The following TEX10 variants were observed in gnomAD, a reference collection of about 807,000 sequenced individuals.
TEX10 encodes testis expressed 10.
In TEX10, 24 loss-of-function variants were observed where a neutral mutation model predicts 104.4. The observed-to-expected ratio is 0.23, with a 90% CI of 0.17 to 0.32. TEX10 has a LOEUF of 0.32. Ranked by LOEUF, TEX10 falls within the 10% of genes least tolerant of loss-of-function variation. TEX10 has a pLI of 1.00. For missense variants in TEX10, 921 were observed against 1,083.9 expected, an observed-to-expected ratio of 0.85 and a Z score of 2.11; for synonymous variants, 396 against 393.4, an observed-to-expected ratio of 1.01 and a Z score of -0.08.
In TEX10 at chr9:100,327,920, T is replaced by C. The variant is rs2118882397; in HGVS notation, c.1668A>G (p.Pro556=). 1 of 1,595,600 alleles carries C rather than the reference T, an allele frequency of 6.3e-7. No individual in the cohort carries two copies. The highest frequency in any genetic ancestry group is 8.6e-7 in the Non-Finnish European group (1 of 1,167,768). The stretch of plus-strand genomic sequence containing the variant: ...GGGAGCCAAGATGAGCAAGTTGCAA[T>C]GGTAAGCCAGCCAGCCAACGGGATA... ...KVLSRWLAGL[P]LQLAHLGSRN... is the part of the protein sequence containing the mutation. The change falls in exon 8 of 15, where the codon CCA becomes CCG. Residue 556 remains proline (P), a synonymous_variant. Coordinates refer to ENST00000374902, the MANE Select transcript of TEX10 (RefSeq NM_017746.4).
At chr9:100,349,129 T>A in intron 2 of TEX10, 55 bp downstream of exon 2, 1 of 1,425,084 alleles carries the variant, frequency 7.0e-7, no homozygotes, top group South Asian at 1.6e-5. Context: ...AAATATAACA[T>A]TCTACACGAT....
At chr9:100,348,832 G>C (rs1457839180) in intron 2 of TEX10, among the ~76,000 whole-genome samples, 1 of 152,112 alleles carries the variant, frequency 6.6e-6, no homozygotes, top group Non-Finnish European at 1.5e-5. Context: ...GATCACTTGA[G>C]CCCAGAAGGT....
intron 5 of TEX10, 81 bp from the exon 6 acceptor site, chr9:100,330,250 ATGGAGTTTT>A: frequency 9.0e-7 from 1 of 1,114,214 alleles, no homozygotes; most frequent in Admixed American, 2.3e-5. Context: ...TAATCTATCA[ATGGAGTTTT>A]AAAAAATTCC....
In TEX10 at chr9:100,347,082, C is replaced by T; in HGVS notation, c.505G>A (p.Glu169Lys). ...DSLKVLDILLEQYPALITGRS... is the reference protein window; with the variant it reads ...DSLKVLDILLKQYPALITGRS... ...CCAGTAATTAGAGCTGGGTACTGTTCCAGCAGAATGTCCAAAACTTTTAAA... is the reference window on the plus strand; with the variant it reads ...CCAGTAATTAGAGCTGGGTACTGTTTCAGCAGAATGTCCAAAACTTTTAAA... The change falls in exon 3 of 15, where the codon GAA becomes AAA. Residue 169 changes from glutamate to lysine, a missense_variant. Physicochemically the swap from Glu to Lys is moderately conservative, Grantham distance 56. Coordinates refer to ENST00000374902, the MANE Select transcript of TEX10 (RefSeq NM_017746.4). 11 of 1,614,172 alleles carry T rather than the reference C, an allele frequency of 6.8e-6. No homozygotes were observed. The highest frequency in any genetic ancestry group is 9.3e-6 in the Non-Finnish European group (11 of 1,180,028).
In TEX10 at chr9:100,326,572, G is replaced by A. The variant is rs1460719627; in HGVS notation, c.1802-93C>T. ...GATCAATGACTTCCATTGAATTATGGGCTAACATTTTATGCTGAATTTTAT... is the reference window on the plus strand; with the variant it reads ...GATCAATGACTTCCATTGAATTATGAGCTAACATTTTATGCTGAATTTTAT... On this transcript the variant is annotated intron_variant, in intron 8 of 14. Transcript: ENST00000374902. 39 of 1,238,916 alleles carry A rather than the reference G, an allele frequency of 3.1e-5. No individual in the cohort carries two copies. The South Asian group carries it at 5.6e-4, about 18-fold the overall frequency. 76.7% of individuals were successfully genotyped at this position (1,238,916 alleles called of 1,614,324 possible). A position where few individuals can be genotyped will look rare whatever the true frequency, so the allele number is the denominator to read the frequency against.
At chr9:100,309,051 A>T (rs1050475114) in intron 12 of TEX10, among the ~76,000 whole-genome samples, 18 of 152,214 alleles carry the variant, frequency 1.2e-4, no homozygotes, top group African/African-American at 4.1e-4. Context: ...AAAAATTTTT[A>T]AATTATTCAG....
intron 13 of TEX10, 98 bp from the exon 14 acceptor site, chr9:100,303,940 A>G: frequency 8.5e-7 from 1 of 1,180,554 alleles, no homozygotes; most frequent in Middle Eastern, 2.8e-4. Flanking sequence ...TTTAAGGAAC[A>G]TGTTTTCCAA....
rs150703426 is a variant in TEX10, at chr9:100,326,307, G to A, written c.1974C>T (p.His658=). 1 of 1,613,442 alleles carries A rather than the reference G, an allele frequency of 6.2e-7. No individual in the cohort carries two copies. The change falls in exon 9 of 15, where the codon CAC becomes CAT. Residue 658 remains histidine (H), a synonymous_variant. Transcript: ENST00000374902. The stretch of plus-strand genomic sequence containing the variant: ...AGCTCACTTGAGCATGCTACCTCAT[G>A]TGCAGTATCCCGATAAGCATGGCAG... ...SLAAMLIGIL[H]MRSSFSGWKY...
intron 1 of TEX10, chr9:100,352,388 G>A (rs1835476648): frequency 1.3e-6 from 2 of 1,551,588 alleles, no homozygotes; most frequent in African/African-American, 2.7e-5. Flanking sequence ...CTCCGTATTC[G>A]GTCCTGCATC....
At chr9:100,326,983 C>T (rs1363760262) in intron 8 of TEX10, among the ~76,000 whole-genome samples, 7 of 152,120 alleles carry the variant, frequency 4.6e-5, no homozygotes, top group African/African-American at 1.7e-4. Context: ...ATCCATACAA[C>T]AAAATACTAC....
intron 11 of TEX10, 117 bp from the exon 12 acceptor site, chr9:100,310,496 T>C: frequency 2.2e-6 from 2 of 918,268 alleles, no homozygotes; most frequent in Non-Finnish European, 3.3e-6. Flanking sequence ...TGGAGTGCAG[T>C]GATGCAGTCT....
chr9:100,328,151 C>G (rs1436889418), intron 7 of TEX10, among the ~76,000 whole-genome samples, 189 bp from the exon 8 acceptor site: 1 of 151,966 alleles, frequency 6.6e-6, no homozygotes, highest in Non-Finnish European at 1.5e-5. Flanking sequence ...AAGGCTTTAC[C>G]CACTAAATTA....
At chr9:100,333,907 AGAATTC>A (rs1173482740) in intron 5 of TEX10, among the ~76,000 whole-genome samples, 2 of 152,190 alleles carry the variant, frequency 1.3e-5, no homozygotes, top group African/African-American at 4.8e-5. Flanking sequence ...ACAACTGGAA[AGAATTC>A]TAGAATTGAA....
intron 11 of TEX10, among the ~76,000 whole-genome samples, chr9:100,316,510 A>G (rs1002185848): frequency 6.6e-6 from 1 of 152,198 alleles, no homozygotes; most frequent in Non-Finnish European, 1.5e-5. Flanking sequence ...TCAACATAGT[A>G]CGGGACGTCC....
intron 12 of TEX10, among the ~76,000 whole-genome samples, chr9:100,309,835 A>T (rs1459983045): frequency 6.6e-6 from 1 of 152,226 alleles, no homozygotes; most frequent in Non-Finnish European, 1.5e-5. Flanking sequence ...GAAATGAGAC[A>T]TCCAATATCA....
At chr9:100,346,632 A>C in intron 3 of TEX10, 62 bp downstream of exon 3, 1 of 1,492,002 alleles carries the variant, frequency 6.7e-7, no homozygotes, top group Admixed American at 2.1e-5. Flanking sequence ...ACAGTCATCA[A>C]TGGTTAGCAG....
Position 100,303,614 on chromosome 9 carries a change from C to T in TEX10, c.2676+18G>A, listed in dbSNP as rs75159632. On this transcript the variant is annotated intron_variant, in intron 14 of 14. Transcript: ENST00000374902. ...TCTTATGCTAATACTGCAAAGCCTC[C>T]GGTACCATGCTTCTTACCGTGATAT... 28 of 1,613,440 alleles carry T rather than the reference C, an allele frequency of 1.7e-5. No individual in the cohort carries two copies. The highest frequency in any genetic ancestry group is 1.2e-4 in the African/African-American group (9 of 74,854).
intron 11 of TEX10, among the ~76,000 whole-genome samples, chr9:100,317,094 G>A (rs1194527372): frequency 6.6e-6 from 1 of 151,936 alleles, no homozygotes; most frequent in East Asian, 1.9e-4. Context: ...TAAATGAAAC[G>A]GCTGTCAAAA....
chr9:100,321,291 T>G (rs760996888), intron 10 of TEX10, among the ~76,000 whole-genome samples: 2 of 152,210 alleles, frequency 1.3e-5, no homozygotes, highest in African/African-American at 2.4e-5. Context: ...TTAACTCTCC[T>G]AATTTCAAGT....
Sources: gnomAD v4.1 joint callset for allele counts (sites outside exome capture counted in the v4.1 genomes callset) on GRCh38, gnomAD v4.1.1 for gene constraint, MANE v1.5 for transcripts, NCBI Gene and HGNC (gene_info 2026-07-23, HGNC 2026-07-21) for gene names.